The following PTPN4 variants were observed in gnomAD, a reference collection of about 807,000 sequenced individuals.
PTPN4 encodes the protein tyrosine-protein phosphatase non-receptor type 4.
Under a neutral mutation model 135.5 loss-of-function variants are expected in PTPN4, and 49 were observed. The observed-to-expected ratio is 0.36, with a 90% CI of 0.29 to 0.46. PTPN4 has a LOEUF of 0.46. Ranked by LOEUF, PTPN4 falls within the 20% of genes least tolerant of loss-of-function variation. The pLI, the probability that PTPN4 is intolerant of heterozygous loss-of-function variation, is 1.00. For synonymous variants in PTPN4, 333 were observed against 369.9 expected, an observed-to-expected ratio of 0.90 and a Z score of 1.14; for missense variants, 860 against 1,101.0, an observed-to-expected ratio of 0.78 and a Z score of 3.10.
intron 9 of PTPN4, among the ~76,000 whole-genome samples, chr2:119,893,001 C>T: frequency 6.6e-6 from 1 of 151,816 alleles, no homozygotes. Context: ...AGTGCTGGGA[C>T]TGCAGACATG....
At chr2:119,869,182 A>G (rs1677874003) in intron 3 of PTPN4, among the ~76,000 whole-genome samples, 1 of 152,244 alleles carries the variant, frequency 6.6e-6, no homozygotes, top group Non-Finnish European at 1.5e-5. Context: ...AACTTACAGA[A>G]CAAGCTAAAC....
intron 12 of PTPN4, among the ~76,000 whole-genome samples, chr2:119,925,448 T>C (rs936794509): frequency 2.6e-5 from 4 of 152,190 alleles, no homozygotes; most frequent in Non-Finnish European, 5.9e-5. Context: ...CTTAAGAACT[T>C]TAAAACATAT....
intron 10 of PTPN4, among the ~76,000 whole-genome samples, chr2:119,914,157 G>T (rs1168316864): frequency 6.9e-6 from 1 of 145,474 alleles, no homozygotes; most frequent in East Asian, 2.0e-4. Flanking sequence ...GTTTTTTGTT[G>T]TTTAACTTCT....
At chr2:119,764,833 C>T (rs759772965) in intron 1 of PTPN4, among the ~76,000 whole-genome samples, 1 of 152,056 alleles carries the variant, frequency 6.6e-6, no homozygotes, top group Non-Finnish European at 1.5e-5. Context: ...TGATCACCAC[C>T]ATAATAGCTA....
intron 1 of PTPN4, among the ~76,000 whole-genome samples, chr2:119,789,296 T>C (rs953149708): frequency 2.0e-5 from 3 of 152,204 alleles, no homozygotes; most frequent in African/African-American, 7.2e-5. Flanking sequence ...GGTTGAGTTA[T>C]AGAAGTTATT....
intron 5 of PTPN4, among the ~76,000 whole-genome samples, chr2:119,880,931 A>C (rs911359028): frequency 1.3e-5 from 2 of 152,122 alleles, no homozygotes; most frequent in Non-Finnish European, 2.9e-5. Context: ...GCCAAACTAG[A>C]ATTTCTAATG....
intron 26 of PTPN4, among the ~76,000 whole-genome samples, chr2:119,971,206 C>T (rs548036576): frequency 6.6e-6 from 1 of 152,168 alleles, no homozygotes; most frequent in Non-Finnish European, 1.5e-5. Flanking sequence ...GGGAAGCAAG[C>T]AGGTCTTCAC....
chr2:119,943,879 A>C (rs1679097676), intron 15 of PTPN4, among the ~76,000 whole-genome samples: 1 of 152,070 alleles, frequency 6.6e-6, no homozygotes, highest in South Asian at 2.1e-4. Flanking sequence ...GGCATGAGCC[A>C]CTGTGCCCAG....
chr2:119,772,684 C>A (rs1690756676), intron 1 of PTPN4, among the ~76,000 whole-genome samples: 1 of 152,094 alleles, frequency 6.6e-6, no homozygotes, highest in South Asian at 2.1e-4. Context: ...ATTACAGGCT[C>A]ACGCCACCAC....
At chr2:119,849,839 C>T (rs1677565451) in intron 2 of PTPN4, among the ~76,000 whole-genome samples, 1 of 152,212 alleles carries the variant, frequency 6.6e-6, no homozygotes, top group Admixed American at 6.5e-5. Context: ...CTACCTCTGT[C>T]AGTTTCATAT....
At chr2:119,782,776 G>A (rs1421874685) in intron 1 of PTPN4, among the ~76,000 whole-genome samples, 18 of 132,312 alleles carry the variant, frequency 1.4e-4, no homozygotes, top group African/African-American at 4.9e-4. Flanking sequence ...TATGATGATG[G>A]CTCACTACAG....
chr2:119,899,244 A>T (rs1228183909), intron 9 of PTPN4, among the ~76,000 whole-genome samples: 1 of 152,192 alleles, frequency 6.6e-6, no homozygotes, highest in Non-Finnish European at 1.5e-5. Flanking sequence ...AGTTGAATCC[A>T]GTTGGAGTGG....
intron 10 of PTPN4, among the ~76,000 whole-genome samples, chr2:119,908,405 A>G (rs1338126341): frequency 1.3e-5 from 2 of 152,152 alleles, no homozygotes; most frequent in Admixed American, 6.5e-5. Context: ...ATATTTTGGT[A>G]GTTCTCACAA....
chr2:119,781,378 A>G (rs757231876), intron 1 of PTPN4, among the ~76,000 whole-genome samples: 1 of 152,204 alleles, frequency 6.6e-6, no homozygotes, highest in Non-Finnish European at 1.5e-5. Context: ...TACTGCAACC[A>G]TCTCTGATGC....
At chr2:119,774,890 G>A (rs1462872894) in intron 1 of PTPN4, among the ~76,000 whole-genome samples, 2 of 151,946 alleles carry the variant, frequency 1.3e-5, no homozygotes, top group African/African-American at 4.8e-5. Flanking sequence ...ATGGTGGCAT[G>A]TGCCTTTAAT....
chr2:119,911,650 TAAAA>T (rs1432547966), intron 10 of PTPN4, among the ~76,000 whole-genome samples: 2 of 151,804 alleles, frequency 1.3e-5, no homozygotes, highest in Non-Finnish European at 2.9e-5. Flanking sequence ...ACTAGTGTTT[TAAAA>T]AAAGAAAAAG....
At chr2:119,827,754 T>C (rs1677165783) in intron 2 of PTPN4, among the ~76,000 whole-genome samples, 2 of 152,184 alleles carry the variant, frequency 1.3e-5, no homozygotes, top group African/African-American at 4.8e-5. Context: ...TAGTCTAGTT[T>C]TGTTTTTGTT....
intron 1 of PTPN4, among the ~76,000 whole-genome samples, chr2:119,762,085 A>G (rs1183854219): frequency 6.6e-6 from 1 of 152,180 alleles, no homozygotes; most frequent in East Asian, 1.9e-4. Flanking sequence ...TAGGCATAAA[A>G]CCAGCATTGA....
chr2:119,938,249 TC>T (rs1679013477), intron 15 of PTPN4, among the ~76,000 whole-genome samples: 1 of 149,834 alleles, frequency 6.7e-6, no homozygotes, highest in Admixed American at 6.7e-5. Flanking sequence ...TGCCTTAGCC[TC>T]CCGAGTAGCT....
Sources: allele counts gnomAD v4.1 joint callset (sites outside exome capture counted in the v4.1 genomes callset), GRCh38; gene constraint gnomAD v4.1.1; transcripts MANE v1.5; gene names NCBI Gene and HGNC (gene_info 2026-07-23, HGNC 2026-07-21).